The following B4GALNT4 variants were observed in gnomAD, a reference collection of about 807,000 sequenced individuals.
B4GALNT4 encodes the protein beta-1,4-N-acetyl-galactosaminyltransferase 4, also known as N-acetyl-beta-glucosaminyl-glycoprotein 4-beta-N-acetylgalactosaminyltransferase 1.
In B4GALNT4, 77 loss-of-function variants were observed where a neutral mutation model predicts 110.0. That is an observed-to-expected ratio of 0.70 (90% CI 0.58 to 0.85). B4GALNT4 has a LOEUF of 0.85. Among genes scored for constraint, B4GALNT4 ranks in the 40% least tolerant of loss-of-function variants. The pLI, the probability that B4GALNT4 is intolerant of heterozygous loss-of-function variation, is 0.00. For missense variants in B4GALNT4, 1,575 were observed against 1,506.0 expected (o/e 1.05, Z -0.76); for synonymous variants, 785 against 655.5 (o/e 1.20, Z -3.02).
intron 11 of B4GALNT4, 38 bp from the exon 12 acceptor site, chr11:376,036 G>C: frequency 6.2e-7 from 1 of 1,604,288 alleles, no homozygotes; most frequent in Non-Finnish European, 8.5e-7. Context: ...CGCCCCGGGA[G>C]GTCCGCGCCC....
intron 1 of B4GALNT4, among the ~76,000 whole-genome samples, chr11:371,331 G>A (rs1188277025): frequency 6.6e-6 from 1 of 152,138 alleles, no homozygotes; most frequent in Non-Finnish European, 1.5e-5. Flanking sequence ...AGATCTGCCT[G>A]TGGACATCTC....
chr11:379,187 G>A (rs1846819859), intron 14 of B4GALNT4, among the ~76,000 whole-genome samples: 1 of 152,222 alleles, frequency 6.6e-6, no homozygotes, highest in Non-Finnish European at 1.5e-5. Context: ...GAGGAGGTGA[G>A]GATGGGCCTG....
chr11:377,394 C>A, intron 14 of B4GALNT4, 67 bp downstream of exon 14: 2 of 1,415,258 alleles, frequency 1.4e-6, no homozygotes, highest in Non-Finnish European at 1.8e-6. Flanking sequence ...AGAGGAGGTC[C>A]TGGCCTTGGC....
intron 8 of B4GALNT4, among the ~76,000 whole-genome samples, chr11:374,277 C>G (rs1037433661): frequency 6.6e-6 from 1 of 151,904 alleles, no homozygotes; most frequent in African/African-American, 2.4e-5. Flanking sequence ...GGCCACAAAG[C>G]GGAGAGAGCC....
chr11:379,436 C>T lies in B4GALNT4; in HGVS notation c.2223C>T (p.Arg741=). Residue 741 remains arginine (R), a synonymous_variant, in exon 15 of 20, where the codon CGC becomes CGT. Transcript: ENST00000329962. ...CTTGCAGGCGCTTCGCGCTTCTGCG[C>T]ATCGTGAACGTGGAGAAGCGCCGGG... ...ARHGGRFALL[R]IVNVEKRRDS... 2 of 1,536,802 alleles carry T rather than the reference C, an allele frequency of 1.3e-6. No homozygotes were observed. The highest frequency in any genetic ancestry group is 1.7e-6 in the Non-Finnish European group (2 of 1,150,320).
rs1275499867 is a variant in B4GALNT4 at position 381,970 on chromosome 11, G to A, written c.*178G>A. On this transcript the variant is annotated 3_prime_UTR_variant, in exon 20 of 20. Coordinates refer to ENST00000329962, the MANE Select transcript of B4GALNT4 (RefSeq NM_178537.5). ...CCCTCCCCGGAGAGGCAGCCTTCAC[G>A]GCGGGTCAGGGCCTGGCCTTGGTCC... is the stretch of plus-strand genomic sequence containing the variant. The A allele has an allele frequency of 2.4e-5, 16 of 654,946 alleles. 1 individual carries two copies. Among genetic ancestry groups the A allele is most frequent in the South Asian group, 5.8e-5 (2 of 34,458 alleles). 40.6% of individuals were successfully genotyped at this position (654,946 alleles called of 1,614,324 possible).
At chr11:370,959 A>AC (rs1846608867) in intron 1 of B4GALNT4, among the ~76,000 whole-genome samples, 1 of 151,812 alleles carries the variant, frequency 6.6e-6, no homozygotes, top group Admixed American at 6.6e-5. Flanking sequence ...CCCTCAAGAG[A>AC]CCCCCGATAC....
At position 376,868 on chromosome 11, in the gene B4GALNT4, C is replaced by T; in HGVS notation, c.1745C>T (p.Pro582Leu). The change falls in exon 14 of 20, where the codon CCC becomes CTC. Residue 582 changes from proline to leucine, a missense_variant. By Grantham distance (98) the Pro-to-Leu change is moderately conservative. Coordinates refer to ENST00000329962, the MANE Select transcript of B4GALNT4 (RefSeq NM_178537.5). ...CCCCACGGCCGCAGGACCGGCGGCC[C>T]CCAGGCCACACAGCCGAGGCCCCCA... ...PRPHGRRTGG[P>L]QATQPRPPAR... The T allele has an allele frequency of 7.5e-7, 1 of 1,331,412 alleles. No individual in the cohort carries two copies. 82.5% of individuals were successfully genotyped at this position (1,331,412 alleles called of 1,614,324 possible). A position where few individuals can be genotyped will look rare whatever the true frequency, so the allele number is the denominator to read the frequency against.
At chr11:373,906 C>G in intron 8 of B4GALNT4, 78 bp downstream of exon 8, 1 of 1,434,912 alleles carries the variant, frequency 7.0e-7, no homozygotes, top group African/African-American at 1.4e-5. Flanking sequence ...CAATGGGGTC[C>G]CCGTCCCAAA....
At chr11:375,987 C>G in intron 11 of B4GALNT4, 31 bp downstream of exon 11, 1 of 1,606,942 alleles carries the variant, frequency 6.2e-7, no homozygotes, top group Non-Finnish European at 8.5e-7. Flanking sequence ...CGTCTCCCGT[C>G]CGGGACTCCG....
rs1846745342 is a variant in B4GALNT4, at chr11:376,174, G to A, written c.1196G>A (p.Arg399Lys). 1.2e-6 allele frequency: 2 copies of A among 1,610,458 alleles called. No individual in the cohort carries two copies. Among genetic ancestry groups the A allele is most frequent in the East Asian group, 2.2e-5 (1 of 44,824 alleles). The part of the protein sequence containing the change: ...FYRESPLYLE[R>K]FGFYKYMKMD... Reference sequence around the variant, plus strand: ...CGCGAGTCTCCGCTGTATCTGGAGAGGTGGGCGCGCGGCCGGGCTAATGCG... The same window carrying A: ...CGCGAGTCTCCGCTGTATCTGGAGAAGTGGGCGCGCGGCCGGGCTAATGCG... The change falls in exon 12 of 20, where the codon AGG becomes AAG. Residue 399 changes from arginine (R) to lysine (K), a missense_variant and splice_region_variant. Transcript: ENST00000329962.
Position 375,450 on chromosome 11 carries a change from C to G in B4GALNT4, c.784-11C>G. 1 of 1,611,512 alleles carries G rather than the reference C, an allele frequency of 6.2e-7. No individual in the cohort carries two copies. ...GCCCTGTCCCTGACCCCCACCCTCT[C>G]TGCCCCGCAGTGGCGAGCTTTCCTG... On this transcript the variant is annotated splice_polypyrimidine_tract_variant and intron_variant, in intron 8 of 19. Coordinates refer to ENST00000329962, the MANE Select transcript of B4GALNT4 (RefSeq NM_178537.5).
rs200166318 is a variant in B4GALNT4, at chr11:372,757, G to T, written c.348+3G>T. 8.6e-4 allele frequency: 1,377 copies of T among 1,606,022 alleles called. No individual in the cohort carries two copies. The highest frequency in any genetic ancestry group is 9.7e-4 in the Non-Finnish European group (1,137 of 1,177,764). ...AGACACCCCCATGGCGGGAGGAGGT[G>T]AGCTGGCTCGGCCTGTAATGGGCTG... On this transcript the variant is annotated splice_donor_region_variant and intron_variant, in intron 3 of 19. Coordinates refer to ENST00000329962, the MANE Select transcript of B4GALNT4 (RefSeq NM_178537.5).
rs748504219 is a variant in B4GALNT4, at chr11:379,898, CT to C, written c.2522del (p.Leu841ArgfsTer45). On this transcript the variant is annotated frameshift_variant, in exon 16 of 20. Coordinates refer to ENST00000329962, the MANE Select transcript of B4GALNT4 (RefSeq NM_178537.5). LOFTEE classifies it high-confidence loss of function. Reference sequence around the variant, plus strand: ...CCAGGCACGGTGGGTGGCACAGTTCCTGGCGGACATGGCTGCGCTGCACGCG... The same window carrying C: ...CCAGGCACGGTGGGTGGCACAGTTCCGGCGGACATGGCTGCGCTGCACGCG... ...KNQARWVAQF[L>X]ADMAALHART... 2 of 1,607,974 alleles carry C rather than the reference CT, an allele frequency of 1.2e-6. No homozygotes were observed. The highest frequency in any genetic ancestry group is 1.7e-6 in the Non-Finnish European group (2 of 1,178,670).
chr11:381,919 C>A lies in B4GALNT4; in HGVS notation c.*127C>A. 1 of 1,171,534 alleles carries A rather than the reference C, an allele frequency of 8.5e-7. No homozygotes were observed. Among genetic ancestry groups the A allele is most frequent in the Non-Finnish European group, 1.1e-6 (1 of 892,004 alleles). 72.6% of individuals were successfully genotyped at this position (1,171,534 alleles called of 1,614,324 possible). A position where few individuals can be genotyped will look rare whatever the true frequency, so the allele number is the denominator to read the frequency against. The stretch of plus-strand genomic sequence containing the variant: ...GGCACAGCCACCGCCTGTGCCTGCC[C>A]CTCTCTGGCCCACTGGGCGTCGTGC... On this transcript the variant is annotated 3_prime_UTR_variant, in exon 20 of 20. Coordinates refer to ENST00000329962, the MANE Select transcript of B4GALNT4 (RefSeq NM_178537.5).
chr11:369,778 G>T lies in B4GALNT4; in HGVS notation c.-26G>T. The T allele has an allele frequency of 1.0e-6, 1 of 974,892 alleles. No homozygotes were observed. The highest frequency in any genetic ancestry group is 1.2e-6 in the Non-Finnish European group (1 of 823,906). The allele number at this position is 974,892 out of a possible 1,614,324, so 60.4% of individuals were successfully genotyped here. A position where few individuals can be genotyped will look rare whatever the true frequency, so the allele number is the denominator to read the frequency against. Reference sequence around the variant, plus strand: ...GGGCTGCAGCGGCGCCGCTGAGCGCGGCCTGGGGCGGGCGCGGCGGCCGCG... The same window carrying T: ...GGGCTGCAGCGGCGCCGCTGAGCGCTGCCTGGGGCGGGCGCGGCGGCCGCG... On this transcript the variant is annotated 5_prime_UTR_variant, in exon 1 of 20. Transcript: ENST00000329962.
At position 377,206 on chromosome 11, in the gene B4GALNT4, C is replaced by G. The variant is rs1335279762; in HGVS notation, c.2083C>G (p.Leu695Val). The G allele has an allele frequency of 2.5e-6, 4 of 1,593,634 alleles. No individual in the cohort carries two copies. The African/African-American group carries it at 5.4e-5, about 21-fold the overall frequency. ...CAGCGTGGGCGCCGTGGACTTCGAG[C>G]TGCTGCGCTCGGACTGGAACGACCT... Reference protein sequence around the residue: ...TFSVGAVDFELLRSDWNDLRC... With the variant: ...TFSVGAVDFEVLRSDWNDLRC... The change falls in exon 14 of 20, where the codon CTG becomes GTG. Residue 695 changes from leucine to valine, a missense_variant. Physicochemically the swap from Leu to Val is conservative, Grantham distance 32. Coordinates refer to ENST00000329962, the MANE Select transcript of B4GALNT4 (RefSeq NM_178537.5).
chr11:373,953 G>A, intron 8 of B4GALNT4, 125 bp downstream of exon 8: 2 of 923,226 alleles, frequency 2.2e-6, no homozygotes, highest in South Asian at 1.5e-5. Context: ...TGGGCCTGAG[G>A]TCAGGAGGGT....
chr11:379,857 C>T lies in B4GALNT4; in HGVS notation c.2489-9C>T, dbSNP rs778293807. 6 of 1,564,912 alleles carry T rather than the reference C, an allele frequency of 3.8e-6. No homozygotes were observed. The South Asian group carries it at 4.6e-5, about 12-fold the overall frequency. On this transcript the variant is annotated splice_polypyrimidine_tract_variant and intron_variant, in intron 15 of 19. Coordinates refer to ENST00000329962, the MANE Select transcript of B4GALNT4 (RefSeq NM_178537.5). Reference sequence around the variant, plus strand: ...CGGCTCAGCGCCCCCCCCGCCTTTTCTCCTCCAGTGAAAAACCAGGCACGG... The same window carrying T: ...CGGCTCAGCGCCCCCCCCGCCTTTTTTCCTCCAGTGAAAAACCAGGCACGG...
Sources: gnomAD v4.1 joint callset for allele counts (sites outside exome capture counted in the v4.1 genomes callset) on GRCh38, gnomAD v4.1.1 for gene constraint, MANE v1.5 for transcripts, NCBI Gene and HGNC (gene_info 2026-07-23, HGNC 2026-07-21) for gene names.